BCAS3: variants seen among roughly 807,000 people sequenced by gnomAD.
The protein encoded by BCAS3 is BCAS3 microtubule associated cell migration factor.
BCAS3 carries 53 observed loss-of-function variants against 116.1 expected under a neutral mutation model. The ratio of observed to expected loss-of-function variants is 0.46; its 90% CI spans 0.37 to 0.57. The LOEUF (loss-of-function observed/expected upper bound fraction) is 0.57. BCAS3 is among the 20% of genes least tolerant of loss of function. The pLI is 0.00. For missense variants in BCAS3, 917 were observed against 1,165.4 expected, an observed-to-expected ratio of 0.79 and a Z score of 3.10; for synonymous variants, 391 against 408.2, an observed-to-expected ratio of 0.96 and a Z score of 0.51.
intron 6 of BCAS3, among the ~76,000 whole-genome samples, chr17:60,764,942 A>G (rs929420255): frequency 1.5e-5 from 2 of 133,926 alleles, no homozygotes; most frequent in Non-Finnish European, 3.0e-5. Flanking sequence ...TCCCTTTACC[A>G]TTAAGTAATG....
intron 22 of BCAS3, among the ~76,000 whole-genome samples, chr17:61,166,561 C>G (rs1316900694): frequency 6.6e-6 from 1 of 151,888 alleles, no homozygotes; most frequent in African/African-American, 2.4e-5. Flanking sequence ...CCATACCTGG[C>G]TGATTTTTGT....
rs908038031 is a variant in BCAS3, at chr17:61,126,154, G to A, written c.2425+41590G>A. Among the ~76,000 whole-genome samples, 10 of 152,102 alleles carry A rather than the reference G, an allele frequency of 6.6e-5. 1 individual carries two copies. Among genetic ancestry groups the A allele is most frequent in the South Asian group, 2.1e-4 (1 of 4,824 alleles). ...ACTAATGTTTCTATAACCTCTGACC[G>A]AATACAGAAGATCCAAAATACTTCC... On this transcript the variant is annotated intron_variant, in intron 22 of 23. Transcript: ENST00000407086. This position sits in a 1 kb window ranked among gnomAD's most constrained non-coding sequence, Gnocchi z 4.6.
At chr17:60,915,292 A>G (rs1158157222) in intron 12 of BCAS3, among the ~76,000 whole-genome samples, 1 of 152,144 alleles carries the variant, frequency 6.6e-6, no homozygotes, top group Non-Finnish European at 1.5e-5. Context: ...GGACAATGAT[A>G]CACTCTGTTA....
chr17:61,098,866 C>G lies in BCAS3; in HGVS notation c.2425+14302C>G, dbSNP rs1406372522. 6.6e-6 allele frequency among the ~76,000 whole-genome samples: 1 copy of G among 152,070 alleles called. No homozygotes were observed. Among genetic ancestry groups the G allele is most frequent in the Non-Finnish European group, 1.5e-5 (1 of 68,016 alleles). ...ATGGGCTGGGTGTGGTGGCTCACAC[C>G]TGTAATACCAGCACTTTGGGAGGCC... On this transcript the variant is annotated intron_variant, in intron 22 of 23. Transcript: ENST00000407086. This position sits in a 1 kb window ranked among gnomAD's most constrained non-coding sequence, Gnocchi z 4.2.
intron 13 of BCAS3, among the ~76,000 whole-genome samples, chr17:60,931,441 A>G (rs1278927227): frequency 6.6e-6 from 1 of 151,696 alleles, no homozygotes; most frequent in African/African-American, 2.4e-5. Context: ...ACACCTTGCT[A>G]ATTTTTTGTA....
At chr17:60,679,097 C>A (rs1287943937) in intron 1 of BCAS3, among the ~76,000 whole-genome samples, 1 of 152,108 alleles carries the variant, frequency 6.6e-6, no homozygotes, top group African/African-American at 2.4e-5. Flanking sequence ...TGGTGGCGCT[C>A]GCCTGTAATC....
In BCAS3 at chr17:61,363,351, G is replaced by A. The variant is rs929654472; in HGVS notation, c.2426-4976G>A. ...TCTTTATACCTTCGGTAGTTGAGCA[G>A]GTAAGACTTGAACTCATTCTTAGAA... On this transcript the variant is annotated intron_variant, in intron 22 of 23. Coordinates refer to ENST00000407086, the MANE Select transcript of BCAS3 (RefSeq NM_017679.5). The surrounding 1 kb of genome is among the most constrained non-coding windows in gnomAD (Gnocchi z 4.9). 6.6e-6 allele frequency among the ~76,000 whole-genome samples: 1 copy of A among 152,164 alleles called. No individual in the cohort carries two copies. The highest frequency in any genetic ancestry group is 1.5e-5 in the Non-Finnish European group (1 of 68,024).
chr17:60,912,406 C>A (rs1013211187), intron 12 of BCAS3, among the ~76,000 whole-genome samples: 1 of 152,052 alleles, frequency 6.6e-6, no homozygotes, highest in African/African-American at 2.4e-5. Context: ...TGAAAAATTA[C>A]ATTTGGCAGC....
At chr17:61,170,834 T>C (rs1023841396) in intron 22 of BCAS3, among the ~76,000 whole-genome samples, 8 of 151,740 alleles carry the variant, frequency 5.3e-5, no homozygotes, top group Admixed American at 5.2e-4. Flanking sequence ...AGGAAAGAGC[T>C]GTACACGGAG....
At chr17:61,237,438 G>A (rs1048363220) in intron 22 of BCAS3, among the ~76,000 whole-genome samples, 1 of 152,222 alleles carries the variant, frequency 6.6e-6, no homozygotes, top group Non-Finnish European at 1.5e-5. Flanking sequence ...AGGAATAAAA[G>A]CTGGCCATCC....
chr17:61,175,251 A>G (rs1008637824), intron 22 of BCAS3, among the ~76,000 whole-genome samples: 11 of 152,168 alleles, frequency 7.2e-5, no homozygotes, highest in African/African-American at 2.7e-4. Flanking sequence ...TGTAAAAAAT[A>G]TAAAGATTAG....
chr17:61,100,447 T>C (rs895549653), intron 22 of BCAS3, among the ~76,000 whole-genome samples: 2 of 152,194 alleles, frequency 1.3e-5, no homozygotes, highest in African/African-American at 2.4e-5. Context: ...TTCATTTCTC[T>C]TGAAACATGT....
At position 61,007,041 on chromosome 17, in the gene BCAS3, T is replaced by C. The variant is rs950820204; in HGVS notation, c.1487-8710T>C. 2.0e-5 allele frequency among the ~76,000 whole-genome samples: 3 copies of C among 152,072 alleles called. No individual in the cohort carries two copies. Among genetic ancestry groups the C allele is most frequent in the African/African-American group, 7.2e-5 (3 of 41,438 alleles). The stretch of plus-strand genomic sequence containing the variant: ...GGAGTGCTCTAAGAATAATAAGTAA[T>C]GAACTTACCACTTTGAGGGAGGAGA... On this transcript the variant is annotated intron_variant, in intron 15 of 23. Transcript: ENST00000407086. This position sits in a 1 kb window ranked among gnomAD's most constrained non-coding sequence, Gnocchi z 4.3.
chr17:61,214,041 CT>C lies in BCAS3; in HGVS notation c.2425+129478del, dbSNP rs1208878218. ...GGAGATTCTACCTAACCTCACAGGA[CT>C]CCTAGCATGGCTGGTTTCAAAACTC... is the stretch of plus-strand genomic sequence containing the variant. On this transcript the variant is annotated intron_variant, in intron 22 of 23. Coordinates refer to ENST00000407086, the MANE Select transcript of BCAS3 (RefSeq NM_017679.5). This position sits in a 1 kb window ranked among gnomAD's most constrained non-coding sequence, Gnocchi z 4.4. Among the ~76,000 whole-genome samples, 1 of 152,104 alleles carries C rather than the reference CT, an allele frequency of 6.6e-6. No homozygotes were observed. The highest frequency in any genetic ancestry group is 1.5e-5 in the Non-Finnish European group (1 of 68,020).
At chr17:60,736,586 G>A (rs543627285) in intron 5 of BCAS3, among the ~76,000 whole-genome samples, 1 of 152,242 alleles carries the variant, frequency 6.6e-6, no homozygotes, top group African/African-American at 2.4e-5. Context: ...GAATGATAAA[G>A]AATTGGTATT....
chr17:61,079,785 G>A (rs994194908), intron 21 of BCAS3, among the ~76,000 whole-genome samples: 4 of 151,444 alleles, frequency 2.6e-5, no homozygotes, highest in African/African-American at 7.3e-5. Flanking sequence ...TAGTAGAGAC[G>A]GGGTTTCAAC....
chr17:61,317,825 C>T (rs1341276958), intron 22 of BCAS3, among the ~76,000 whole-genome samples: 1 of 152,224 alleles, frequency 6.6e-6, no homozygotes, highest in Non-Finnish European at 1.5e-5. Context: ...AGCAGAGACA[C>T]GGTGTCAGAG....
chr17:60,701,607 A>G (rs1484443586), intron 4 of BCAS3, among the ~76,000 whole-genome samples: 7 of 152,138 alleles, frequency 4.6e-5, no homozygotes, highest in Non-Finnish European at 8.8e-5. Flanking sequence ...AGAAAAAGAT[A>G]TGTCATGAAT....
chr17:60,890,229 G>A (rs1169074974), intron 10 of BCAS3, among the ~76,000 whole-genome samples: 4 of 152,200 alleles, frequency 2.6e-5, no homozygotes, highest in African/African-American at 9.6e-5. Context: ...TGAGGCAGGT[G>A]GATCATTTGA....
Sources: gnomAD v4.1 joint callset for allele counts (sites outside exome capture counted in the v4.1 genomes callset) on GRCh38, gnomAD v4.1.1 for gene constraint, Gnocchi (gnomAD v3.1) non-coding constraint, MANE v1.5 for transcripts, NCBI Gene and HGNC (gene_info 2026-07-23, HGNC 2026-07-21) for gene names.